ARHGAP26: variants seen among roughly 807,000 people sequenced by gnomAD.
The protein encoded by ARHGAP26 is rho GTPase-activating protein 26.
A neutral mutation model predicts 104.8 loss-of-function variants in ARHGAP26; 38 were observed. The observed-to-expected ratio is 0.36, with a 90% CI of 0.28 to 0.48. The LOEUF (loss-of-function observed/expected upper bound fraction) is 0.48, where lower values mean the gene tolerates loss of function less well. Among genes scored for constraint, ARHGAP26 ranks in the 20% least tolerant of loss-of-function variants. ARHGAP26 has a pLI of 0.99. For synonymous variants in ARHGAP26, 341 were observed against 340.0 expected (o/e 1.00, Z -0.03); for missense variants, 704 against 947.9 (o/e 0.74, Z 3.38).
chr5:142,862,400 G>T (rs1026289318), intron 1 of ARHGAP26, among the ~76,000 whole-genome samples: 2 of 152,240 alleles, frequency 1.3e-5, no homozygotes, highest in African/African-American at 4.8e-5. Flanking sequence ...GGCTGGAAAT[G>T]TATTATCAGC....
rs115094409 is a variant in ARHGAP26, at chr5:143,099,184, A to G, written c.1539-21804A>G. ...CCAATTTTAACTTAGTTTGATATCT[A>G]TCTTTGCAGAAGCTGAGTCTTCATT... is the stretch of plus-strand genomic sequence containing the variant. On this transcript the variant is annotated intron_variant, in intron 17 of 22. Transcript: ENST00000645722. 9.7e-3 allele frequency among the ~76,000 whole-genome samples: 1,483 copies of G among 152,242 alleles called. 26 individuals are homozygous for G. The highest frequency in any genetic ancestry group is 0.078 in the East Asian group (406 of 5,194).
chr5:142,879,467 G>A (rs1756624864), intron 4 of ARHGAP26, 22 bp downstream of exon 4: 1 of 1,604,026 alleles, frequency 6.2e-7, no homozygotes, highest in African/African-American at 1.3e-5. Flanking sequence ...GCAAGCTTTG[G>A]TCTGGATTTT....
At chr5:142,824,682 A>G (rs1314793672) in intron 1 of ARHGAP26, among the ~76,000 whole-genome samples, 1 of 152,198 alleles carries the variant, frequency 6.6e-6, no homozygotes, top group Non-Finnish European at 1.5e-5. Context: ...AGACACCCAC[A>G]GAAAATGGTC....
intron 6 of ARHGAP26, among the ~76,000 whole-genome samples, chr5:142,898,735 T>TA (rs946820476): frequency 4.6e-5 from 7 of 152,324 alleles, no homozygotes; most frequent in Admixed American, 2.6e-4. Flanking sequence ...AAACCACTGT[T>TA]ATCCTCTTGT....
intron 1 of ARHGAP26, among the ~76,000 whole-genome samples, chr5:142,834,450 T>C (rs1046332096): frequency 3.3e-5 from 5 of 152,262 alleles, no homozygotes; most frequent in Non-Finnish European, 7.3e-5. Context: ...CTAGCTAATC[T>C]ACCTGTATCC....
chr5:142,948,861 A>G (rs1236535912), intron 11 of ARHGAP26, among the ~76,000 whole-genome samples: 2 of 151,956 alleles, frequency 1.3e-5, no homozygotes, highest in African/African-American at 4.8e-5. Flanking sequence ...TCATAGCACT[A>G]TGGGAGGCCT....
At chr5:142,950,656 G>T (rs1222883078) in intron 11 of ARHGAP26, among the ~76,000 whole-genome samples, 2 of 152,252 alleles carry the variant, frequency 1.3e-5, no homozygotes, top group East Asian at 3.9e-4. Flanking sequence ...TCAACCTCAA[G>T]GTCATAAGAA....
At chr5:143,186,702 G>C (rs1230381705) in intron 20 of ARHGAP26, among the ~76,000 whole-genome samples, 1 of 152,190 alleles carries the variant, frequency 6.6e-6, no homozygotes, top group East Asian at 1.9e-4. Flanking sequence ...GGACCTATTT[G>C]CCACTGGTAA....
At chr5:143,100,986 G>A (rs1793148055) in intron 17 of ARHGAP26, among the ~76,000 whole-genome samples, 5 of 152,168 alleles carry the variant, frequency 3.3e-5, no homozygotes. Flanking sequence ...TCAGCTACCT[G>A]GGAGGCTGAA....
intron 20 of ARHGAP26, among the ~76,000 whole-genome samples, chr5:143,179,481 G>C (rs1227329096): frequency 6.6e-6 from 1 of 152,224 alleles, no homozygotes; most frequent in Non-Finnish European, 1.5e-5. Flanking sequence ...CACTGCTCCT[G>C]CACATTGCCC....
intron 12 of ARHGAP26, among the ~76,000 whole-genome samples, chr5:143,030,902 T>G (rs563933378): frequency 6.6e-5 from 10 of 152,356 alleles, no homozygotes; most frequent in Admixed American, 1.3e-4. Context: ...TGGTAGACAT[T>G]TTTCACAGAA....
intron 10 of ARHGAP26, among the ~76,000 whole-genome samples, chr5:142,921,044 C>A (rs115209447): frequency 1.3e-5 from 2 of 152,290 alleles, no homozygotes; most frequent in East Asian, 1.9e-4. Context: ...TCTTAACAGA[C>A]CTCATCTGAT....
intron 11 of ARHGAP26, among the ~76,000 whole-genome samples, chr5:142,961,126 A>C (rs557745919): frequency 3.3e-5 from 5 of 152,124 alleles, no homozygotes; most frequent in Admixed American, 3.3e-4. Flanking sequence ...TATCTAACCC[A>C]CCTTTGTCTC....
chr5:142,780,710 C>A (rs981111166), intron 1 of ARHGAP26, among the ~76,000 whole-genome samples: 1 of 152,162 alleles, frequency 6.6e-6, no homozygotes, highest in Non-Finnish European at 1.5e-5. Flanking sequence ...GAGTTTTTAT[C>A]TTTGTGCGGT....
chr5:143,079,491 G>C (rs1435007884), intron 17 of ARHGAP26, among the ~76,000 whole-genome samples: 1 of 152,224 alleles, frequency 6.6e-6, no homozygotes, highest in East Asian at 1.9e-4. Flanking sequence ...AGTTAACGGT[G>C]CTGTGCAGCT....
In ARHGAP26 at chr5:143,118,203, G is replaced by A. The variant is rs146230146; in HGVS notation, c.1539-2785G>A. ...CAGAGGAATGATATGGACAAAGGCA[G>A]AGAGGTGTGGAAGTGGAATGAGAGT... On this transcript the variant is annotated intron_variant, in intron 17 of 22. Transcript: ENST00000645722. Among the ~76,000 whole-genome samples the A allele has an allele frequency of 1.8e-3, 280 of 152,384 alleles. 2 individuals are homozygous for A. The highest frequency in any genetic ancestry group is 6.8e-3 in the Middle Eastern group (2 of 294).
intron 17 of ARHGAP26, among the ~76,000 whole-genome samples, chr5:143,092,190 GAGTCTCC>G (rs1458461563): frequency 1.4e-5 from 2 of 141,838 alleles, no homozygotes; most frequent in Non-Finnish European, 3.0e-5. Flanking sequence ...TTTTGAGATG[GAGTCTCC>G]CTCTCGCCCA....
intron 1 of ARHGAP26, among the ~76,000 whole-genome samples, chr5:142,862,978 G>A (rs1480625042): frequency 6.6e-6 from 1 of 152,086 alleles, no homozygotes; most frequent in Non-Finnish European, 1.5e-5. Flanking sequence ...GAATGACATA[G>A]AGGTGTGCCT....
intron 12 of ARHGAP26, among the ~76,000 whole-genome samples, chr5:143,023,181 C>A (rs1780579158): frequency 6.6e-6 from 1 of 152,212 alleles, no homozygotes; most frequent in Non-Finnish European, 1.5e-5. Context: ...ATCCACTCAT[C>A]CTTCTTTAGG....
Sources: allele counts gnomAD v4.1 joint callset (sites outside exome capture counted in the v4.1 genomes callset), GRCh38; gene constraint gnomAD v4.1.1; transcripts MANE v1.5; gene names NCBI Gene and HGNC (gene_info 2026-07-23, HGNC 2026-07-21).